ANKRD55: variants seen among roughly 807,000 people sequenced by gnomAD.
The protein encoded by ANKRD55 is ankyrin repeat domain 55.
A neutral mutation model predicts 60.6 loss-of-function variants in ANKRD55; 41 were observed. The observed-to-expected ratio is 0.68, with a 90% CI of 0.53 to 0.88. The LOEUF (loss-of-function observed/expected upper bound fraction) is 0.88, where lower values mean the gene tolerates loss of function less well. Ranked by LOEUF, ANKRD55 falls within the 40% of genes least tolerant of loss-of-function variation. The probability of loss-of-function intolerance (pLI) is 0.00; values close to 1 mark genes in which losing one functional copy is unlikely to be tolerated. For synonymous variants in ANKRD55, 264 were observed against 290.3 expected (o/e 0.91, Z 0.92); for missense variants, 732 against 767.6 (o/e 0.95, Z 0.55).
chr5:56,166,158 T>TTCTTTCTTTCCTTCCTTCC (rs58740295), intron 5 of ANKRD55, among the ~76,000 whole-genome samples: 3 of 72,460 alleles, frequency 4.1e-5, no homozygotes, highest in African/African-American at 1.9e-4. Context: ...TTCTTTCTTC[T>TTCTTTCTTTCCTTCCTTCC]TTCCTTCCTT....
chr5:56,214,856 C>CG (rs1759763807), intron 2 of ANKRD55, among the ~76,000 whole-genome samples: 1 of 152,114 alleles, frequency 6.6e-6, no homozygotes, highest in South Asian at 2.1e-4. Context: ...CCTGCTGGGC[C>CG]GGCCCAGTTG....
At chr5:56,210,296 C>T (rs1441512969) in intron 2 of ANKRD55, among the ~76,000 whole-genome samples, 1 of 152,152 alleles carries the variant, frequency 6.6e-6, no homozygotes, top group South Asian at 2.1e-4. Flanking sequence ...CTTTATAGGC[C>T]GGGCGCGGTG....
Position 56,119,788 on chromosome 5 carries a change from G to A in ANKRD55, c.798-3006C>T, listed in dbSNP as rs148709509. Among the ~76,000 whole-genome samples, 60 of 151,978 alleles carry A rather than the reference G, an allele frequency of 3.9e-4. 2 individuals carry two copies. In the East Asian group the frequency reaches 0.011, roughly 27 times the overall value. On this transcript the variant is annotated intron_variant, in intron 8 of 11. Transcript: ENST00000341048. ...AAAATTAGTTGGATGTGATGGGTAC[G>A]TGCCTGTAGTCCTCGCTTCTCAGGA...
intron 10 of ANKRD55, among the ~76,000 whole-genome samples, chr5:56,107,129 A>G (rs1282848603): frequency 1.3e-5 from 2 of 151,954 alleles, no homozygotes; most frequent in Admixed American, 6.6e-5. Flanking sequence ...TTGAAACCCT[A>G]TGACTGTATC....
intron 2 of ANKRD55, among the ~76,000 whole-genome samples, chr5:56,211,551 C>A (rs1394975883): frequency 2.0e-5 from 3 of 152,192 alleles, no homozygotes; most frequent in African/African-American, 7.2e-5. Context: ...GCCTGTCAGG[C>A]CTTGGATCCC....
At chr5:56,148,420 T>G (rs1255870163) in intron 6 of ANKRD55, among the ~76,000 whole-genome samples, 4 of 152,206 alleles carry the variant, frequency 2.6e-5, no homozygotes, top group African/African-American at 9.6e-5. Context: ...GAGGAACACA[T>G]ATTCAGTTAA....
chr5:56,201,826 A>G (rs143242203), intron 2 of ANKRD55, among the ~76,000 whole-genome samples: 2 of 152,362 alleles, frequency 1.3e-5, no homozygotes, highest in East Asian at 1.9e-4. Context: ...TCATTCTATT[A>G]TAAAGATACT....
chr5:56,104,625 G>A (rs1425255685), intron 10 of ANKRD55, among the ~76,000 whole-genome samples: 1 of 152,058 alleles, frequency 6.6e-6, no homozygotes, highest in East Asian at 1.9e-4. Flanking sequence ...TGTTTTCACA[G>A]TTACATGATG....
chr5:56,211,027 C>G (rs1485549964), intron 2 of ANKRD55, among the ~76,000 whole-genome samples: 1 of 152,196 alleles, frequency 6.6e-6, no homozygotes, highest in Non-Finnish European at 1.5e-5. Context: ...CAGATATACC[C>G]TCTCTGTAGT....
chr5:56,101,047 G>A (rs1239325705), intron 11 of ANKRD55, among the ~76,000 whole-genome samples: 1 of 152,184 alleles, frequency 6.6e-6, no homozygotes. Context: ...AACTCTCTGT[G>A]TGACCTTGGA....
intron 2 of ANKRD55, among the ~76,000 whole-genome samples, chr5:56,194,495 C>A (rs1759186350): frequency 6.6e-6 from 1 of 151,926 alleles, no homozygotes; most frequent in African/African-American, 2.4e-5. Flanking sequence ...GTATTTCTTC[C>A]AGAAGAAGCT....
chr5:56,199,290 C>T (rs933832728), intron 2 of ANKRD55, among the ~76,000 whole-genome samples: 2 of 152,060 alleles, frequency 1.3e-5, no homozygotes, highest in Admixed American at 6.6e-5. Context: ...ATTTTAATAA[C>T]TTTGCAGGGC....
intron 2 of ANKRD55, among the ~76,000 whole-genome samples, chr5:56,229,415 A>G (rs1760194669): frequency 6.6e-6 from 1 of 152,152 alleles, no homozygotes; most frequent in Non-Finnish European, 1.5e-5. Flanking sequence ...ACAGTTTTGC[A>G]AAGCCAGCCA....
chr5:56,215,934 T>C (rs895024724), intron 2 of ANKRD55, among the ~76,000 whole-genome samples: 4 of 151,960 alleles, frequency 2.6e-5, no homozygotes, highest in Admixed American at 2.6e-4. Flanking sequence ...AACCCTGGCA[T>C]GGAGGGTGAA....
intron 7 of ANKRD55, among the ~76,000 whole-genome samples, chr5:56,127,948 C>G (rs1167118214): frequency 6.6e-6 from 1 of 152,102 alleles, no homozygotes. Context: ...CTATGGCATG[C>G]CTGTCCTTAG....
chr5:56,143,852 G>C lies in ANKRD55; in HGVS notation c.561C>G (p.Asp187Glu). 1 of 1,614,198 alleles carries C rather than the reference G, an allele frequency of 6.2e-7. No individual in the cohort carries two copies. Among genetic ancestry groups the C allele is most frequent in the Non-Finnish European group, 8.5e-7 (1 of 1,180,034 alleles). The change falls in exon 7 of 12, where the codon GAC (aspartate) becomes GAG (glutamate). Residue 187 changes from aspartate to glutamate, a missense_variant. Asp to Glu is a conservative substitution (Grantham distance 45, BLOSUM62 2). This residue lies in a region of ANKRD55 where 597 missense variants were observed against 607.5 expected (regional missense o/e 0.98). Coordinates refer to ENST00000341048, the MANE Select transcript of ANKRD55 (RefSeq NM_024669.3). The part of the protein sequence containing the change: ...HTQMLLKKGA[D>E]PTLVDKDFKT... Reference sequence around the variant, plus strand: ...TAAAGTCTTTATCCACAAGGGTGGGGTCTGCCCCCTTCTTCAGCAGCATTT... The same window carrying C: ...TAAAGTCTTTATCCACAAGGGTGGGCTCTGCCCCCTTCTTCAGCAGCATTT...
chr5:56,177,575 G>C (rs1319043200), intron 3 of ANKRD55, among the ~76,000 whole-genome samples: 1 of 151,976 alleles, frequency 6.6e-6, no homozygotes, highest in African/African-American at 2.4e-5. Context: ...CCAGGAGTTC[G>C]AGAACAGCCT....
At chr5:56,143,740 A>C in intron 7 of ANKRD55, 61 bp downstream of exon 7, 1 of 1,601,084 alleles carries the variant, frequency 6.2e-7, no homozygotes, top group Non-Finnish European at 8.5e-7. Flanking sequence ...CTACTCAGAA[A>C]ATTGTTAACA....
intron 6 of ANKRD55, among the ~76,000 whole-genome samples, chr5:56,156,113 T>A (rs1295567379): frequency 6.6e-6 from 1 of 151,914 alleles, no homozygotes; most frequent in Non-Finnish European, 1.5e-5. Context: ...GCAGCCGGAG[T>A]GGCGGAGTCC....
Sources: gnomAD v4.1 joint callset for allele counts (sites outside exome capture counted in the v4.1 genomes callset) on GRCh38, gnomAD v4.1.1 for gene constraint, gnomAD v4.1.1 regional missense constraint, MANE v1.5 for transcripts, NCBI Gene and HGNC (gene_info 2026-07-23, HGNC 2026-07-21) for gene names.